TRPC6: variants seen among roughly 807,000 people sequenced by gnomAD.
TRPC6 encodes the protein transient receptor potential cation channel subfamily C member 6, also known as short transient receptor potential channel 6.
A neutral mutation model predicts 90.7 loss-of-function variants in TRPC6; 55 were observed. The observed-to-expected ratio is 0.61, with a 90% CI of 0.49 to 0.76. TRPC6 has a LOEUF of 0.76. TRPC6 is among the 30% of genes least tolerant of loss of function. The pLI, the probability that TRPC6 is intolerant of heterozygous loss-of-function variation, is 0.00. For missense variants in TRPC6, 989 were observed against 1,122.7 expected (o/e 0.88, Z 1.70); for synonymous variants, 393 against 393.0 (o/e 1.00, Z 0.00).
In TRPC6 at chr11:101,546,244, T is replaced by C. The variant is rs1313165840; in HGVS notation, c.170+37090A>G. Among the ~76,000 whole-genome samples the C allele has an allele frequency of 4.5e-5, 5 of 111,420 alleles. 1 individual carries two copies. The highest frequency in any genetic ancestry group is 9.3e-5 in the Non-Finnish European group (5 of 53,506). The allele number at this position is 111,420 out of a possible 152,430, so 73.1% of individuals were successfully genotyped here. ...CCGCCACCGCGCCCGGCTAATTTTTTTGTATTTTTAGTAGAGACGGGGTTT... is the reference window on the plus strand; with the variant it reads ...CCGCCACCGCGCCCGGCTAATTTTTCTGTATTTTTAGTAGAGACGGGGTTT... On this transcript the variant is annotated intron_variant, in intron 1 of 12. Transcript: ENST00000344327.
chr11:101,542,148 T>C (rs1861187616), intron 1 of TRPC6, among the ~76,000 whole-genome samples: 1 of 152,344 alleles, frequency 6.6e-6, no homozygotes, highest in South Asian at 2.1e-4. Context: ...TATTGTGTCT[T>C]GATCTATAGT....
intron 5 of TRPC6, among the ~76,000 whole-genome samples, chr11:101,477,799 A>C (rs1859449078): frequency 6.6e-6 from 1 of 152,228 alleles, no homozygotes; most frequent in Non-Finnish European, 1.5e-5. Context: ...CACTTGGAAA[A>C]AAGTATGACT....
chr11:101,478,315 T>G lies in TRPC6; in HGVS notation c.1511-1781A>C, dbSNP rs556809852. Among the ~76,000 whole-genome samples the G allele has an allele frequency of 7.0e-4, 106 of 152,270 alleles. 1 individual carries two copies. The highest frequency in any genetic ancestry group is 1.5e-3 in the Non-Finnish European group (100 of 68,028). ...ACTAGGATTGAATTCATATATAATC[T>G]GGGGGATCAAATTTGTAACAGGAAA... On this transcript the variant is annotated intron_variant, in intron 5 of 12. Coordinates refer to ENST00000344327, the MANE Select transcript of TRPC6 (RefSeq NM_004621.6).
intron 5 of TRPC6, among the ~76,000 whole-genome samples, chr11:101,479,785 A>G (rs17740759): frequency 0.048 from 7,281 of 152,300 alleles, 233 homozygotes; most frequent in Middle Eastern, 0.13. Context: ...GGTGGGACAA[A>G]AGTTACAAGG....
In TRPC6 at chr11:101,491,865, G is replaced by T. The variant is rs547558104; in HGVS notation, c.946-127C>A. 1.8e-3 allele frequency: 1,416 copies of T among 801,728 alleles called. 6 individuals are homozygous for T. Among genetic ancestry groups the T allele is most frequent in the Admixed American group, 2.6e-3 (77 of 29,518 alleles). The allele number at this position is 801,728 out of a possible 1,614,324, so 49.7% of individuals were successfully genotyped here. Reference sequence around the variant, plus strand: ...TTTTTTTTTTTTTTTTTTTGAGACGGAGCCTGGCTGTGTTGCCCAGGCTGG... The same window carrying T: ...TTTTTTTTTTTTTTTTTTTGAGACGTAGCCTGGCTGTGTTGCCCAGGCTGG... On this transcript the variant is annotated intron_variant, in intron 2 of 12. Coordinates refer to ENST00000344327, the MANE Select transcript of TRPC6 (RefSeq NM_004621.6).
intron 1 of TRPC6, among the ~76,000 whole-genome samples, chr11:101,560,627 G>C (rs1023271940): frequency 2.0e-5 from 3 of 150,982 alleles, no homozygotes; most frequent in Non-Finnish European, 3.0e-5. Context: ...AGCAGACACA[G>C]AAATAAATCA....
intron 1 of TRPC6, among the ~76,000 whole-genome samples, chr11:101,533,263 G>A (rs1860953705): frequency 6.6e-6 from 1 of 152,128 alleles, no homozygotes; most frequent in Non-Finnish European, 1.5e-5. Flanking sequence ...GAAGCATAGT[G>A]GCATCTACCT....
intron 2 of TRPC6, among the ~76,000 whole-genome samples, chr11:101,492,033 A>G (rs1035168664): frequency 3.3e-5 from 5 of 151,242 alleles, no homozygotes; most frequent in South Asian, 4.2e-4. Context: ...TAGAGACGGG[A>G]TTTCACCGTG....
intron 1 of TRPC6, among the ~76,000 whole-genome samples, chr11:101,558,491 A>G (rs1357565298): frequency 1.4e-5 from 2 of 144,220 alleles, no homozygotes; most frequent in Non-Finnish European, 1.5e-5. Context: ...ACACACACAC[A>G]CACACATATA....
At chr11:101,513,274 C>T (rs1860438574) in intron 1 of TRPC6, among the ~76,000 whole-genome samples, 1 of 152,210 alleles carries the variant, frequency 6.6e-6, no homozygotes, top group Non-Finnish European at 1.5e-5. Flanking sequence ...CCCATTGATG[C>T]AGTCCACACA....
intron 9 of TRPC6, among the ~76,000 whole-genome samples, chr11:101,470,435 T>C (rs1859260874): frequency 6.6e-6 from 1 of 152,126 alleles, no homozygotes; most frequent in South Asian, 2.1e-4. Flanking sequence ...ATGTGTTCCA[T>C]TCTGGTCCTC....
intron 2 of TRPC6, among the ~76,000 whole-genome samples, chr11:101,503,514 T>C (rs1464907983): frequency 3.3e-5 from 5 of 152,210 alleles, no homozygotes; most frequent in Non-Finnish European, 5.9e-5. Context: ...TAGTTTTGTT[T>C]ATTTTTTATT....
At chr11:101,508,372 T>C (rs1000786363) in intron 1 of TRPC6, among the ~76,000 whole-genome samples, 5 of 152,172 alleles carry the variant, frequency 3.3e-5, no homozygotes, top group African/African-American at 1.2e-4. Context: ...ATGTTGGTTT[T>C]GGCAAAAGGT....
chr11:101,569,189 CA>C (rs201079279), intron 1 of TRPC6, among the ~76,000 whole-genome samples: 19,188 of 112,890 alleles, frequency 0.17, 1,288 homozygotes, highest in African/African-American at 0.23. Context: ...AAATGGAAAG[CA>C]AAAAAAAAAA....
chr11:101,583,107 T>C (rs574203078), intron 1 of TRPC6: 1 of 940,834 alleles, frequency 1.1e-6, no homozygotes, highest in Non-Finnish European at 1.3e-6. Flanking sequence ...AACATATCCA[T>C]GCGTACCTAC....
chr11:101,473,545 T>G lies in TRPC6; in HGVS notation c.1973A>C (p.Tyr658Ser). 6.2e-7 allele frequency: 1 copy of G among 1,613,536 alleles called. No individual in the cohort carries two copies. Among genetic ancestry groups the G allele is most frequent in the South Asian group, 1.1e-5 (1 of 91,062 alleles). ...FMIGMFNLYS[Y>S]YIGAKQNEAF... Reference sequence around the variant, plus strand: ...TTCATTTTGTTTTGCACCAATGTAGTAGGAGTAGAGATTGAACATTCCAAT... The same window carrying G: ...TTCATTTTGTTTTGCACCAATGTAGGAGGAGTAGAGATTGAACATTCCAAT... The change falls in exon 7 of 13, where the codon TAC becomes TCC. Residue 658 changes from tyrosine to serine, a missense_variant. Around this residue, in one of 4 missense-constraint regions of TRPC6, gnomAD observed 118 missense variants for 197.6 expected, o/e 0.60. Transcript: ENST00000344327.
chr11:101,534,498 T>C (rs574703543), intron 1 of TRPC6, among the ~76,000 whole-genome samples: 3 of 151,992 alleles, frequency 2.0e-5, no homozygotes, highest in Non-Finnish European at 2.9e-5. Context: ...TTTCAAGATA[T>C]AACAGTAAGG....
intron 1 of TRPC6, among the ~76,000 whole-genome samples, chr11:101,510,138 C>T (rs1459218755): frequency 2.0e-5 from 3 of 152,028 alleles, no homozygotes; most frequent in Admixed American, 6.5e-5. Flanking sequence ...CCTGGAGAAG[C>T]AATAAAAGAT....
At chr11:101,459,243 GA>G (rs1438585942) in intron 10 of TRPC6, among the ~76,000 whole-genome samples, 1 of 152,174 alleles carries the variant, frequency 6.6e-6, no homozygotes, top group Non-Finnish European at 1.5e-5. Flanking sequence ...GAGATAAAGG[GA>G]AGTGGAACGG....
Sources: gnomAD v4.1 joint callset for allele counts (sites outside exome capture counted in the v4.1 genomes callset) on GRCh38, gnomAD v4.1.1 for gene constraint, gnomAD v4.1.1 regional missense constraint, MANE v1.5 for transcripts, NCBI Gene and HGNC (gene_info 2026-07-23, HGNC 2026-07-21) for gene names.